DEUP1: variants seen among roughly 807,000 people sequenced by gnomAD.
The protein encoded by DEUP1 is coiled-coil domain containing 67.
In DEUP1, 82 loss-of-function variants were observed where a neutral mutation model predicts 87.4. The ratio of observed to expected loss-of-function variants is 0.94; its 90% confidence interval spans 0.78 to 1.13. The LOEUF is 1.13. Among genes scored for constraint, DEUP1 ranks in the 50% most tolerant of loss-of-function variants. The pLI is 0.00. For missense variants in DEUP1, 663 were observed against 681.5 expected (o/e 0.97, Z 0.30); for synonymous variants, 214 against 222.7 (o/e 0.96, Z 0.35).
chr11:93,397,392 CTG>C (rs1946975122), intron 11 of DEUP1, among the ~76,000 whole-genome samples: 1 of 152,110 alleles, frequency 6.6e-6, no homozygotes, highest in African/African-American at 2.4e-5. Context: ...ATTAAAAAAA[CTG>C]TGTGTCATCT....
chr11:93,436,892 TA>T (rs931713239), intron 13 of DEUP1, among the ~76,000 whole-genome samples: 11 of 152,214 alleles, frequency 7.2e-5, no homozygotes, highest in Non-Finnish European at 1.2e-4. Context: ...CACAGATTTT[TA>T]TTTTTTTTTA....
At chr11:93,394,285 G>A (rs1307079413) in intron 9 of DEUP1, among the ~76,000 whole-genome samples, 174 bp from the exon 10 acceptor site, 1 of 152,142 alleles carries the variant, frequency 6.6e-6, no homozygotes, top group South Asian at 2.1e-4. Flanking sequence ...AGGAAAAAAG[G>A]TAATGAGTCA....
intron 13 of DEUP1, among the ~76,000 whole-genome samples, chr11:93,419,443 C>G (rs1337201944): frequency 6.6e-6 from 1 of 152,136 alleles, no homozygotes; most frequent in Non-Finnish European, 1.5e-5. Context: ...AGGAGGCAGT[C>G]ATGGGGCTAA....
At chr11:93,343,360 T>C (rs1944173480) in intron 2 of DEUP1, among the ~76,000 whole-genome samples, 1 of 152,170 alleles carries the variant, frequency 6.6e-6, no homozygotes, top group Non-Finnish European at 1.5e-5. Context: ...AGAACTTAAT[T>C]GTCCTAGAGA....
chr11:93,418,307 T>C (rs1439655792), intron 13 of DEUP1, among the ~76,000 whole-genome samples: 1 of 151,904 alleles, frequency 6.6e-6, no homozygotes, highest in African/African-American at 2.4e-5. Context: ...ATATCCAGAA[T>C]CTACAATCAA....
intron 9 of DEUP1, among the ~76,000 whole-genome samples, chr11:93,392,220 C>A (rs1946785705): frequency 2.0e-5 from 3 of 152,168 alleles, no homozygotes; most frequent in Non-Finnish European, 2.9e-5. Flanking sequence ...TTTTTCCAAT[C>A]TCTCTGTAGG....
Position 93,355,435 on chromosome 11 carries a change from A to G in DEUP1, c.94A>G (p.Lys32Glu). 1.2e-6 allele frequency: 2 copies of G among 1,613,834 alleles called. No individual in the cohort carries two copies. Among genetic ancestry groups the G allele is most frequent in the Non-Finnish European group, 1.7e-6 (2 of 1,179,788 alleles). Reference protein sequence around the residue: ...MEQIDIMVSNKKMDWERKMRA... With the variant: ...MEQIDIMVSNEKMDWERKMRA... ...ACAAATTGACATCATGGTAAGCAAC[A>G]AGAAAATGGATTGGGAAAGAAAGAT... Residue 32 changes from lysine (K) to glutamate (E), a missense_variant, in exon 3 of 14, where the codon AAG becomes GAG. Coordinates refer to ENST00000298050, the MANE Select transcript of DEUP1 (RefSeq NM_181645.4).
chr11:93,416,907 A>C (rs910311415), intron 13 of DEUP1, among the ~76,000 whole-genome samples: 1 of 152,238 alleles, frequency 6.6e-6, no homozygotes, highest in African/African-American at 2.4e-5. Flanking sequence ...TCCAGCATAC[A>C]AATGGGACCA....
intron 11 of DEUP1, among the ~76,000 whole-genome samples, chr11:93,406,868 C>T (rs1947295553): frequency 6.6e-6 from 1 of 151,814 alleles, no homozygotes; most frequent in South Asian, 2.1e-4. Context: ...AGACAATTGA[C>T]AAAAGATAGA....
intron 2 of DEUP1, among the ~76,000 whole-genome samples, chr11:93,337,161 C>A (rs1415150623): frequency 1.3e-5 from 2 of 152,262 alleles, no homozygotes; most frequent in African/African-American, 4.8e-5. Flanking sequence ...AATATTAAAT[C>A]ATAACTTCTT....
chr11:93,420,124 T>C (rs913045911), intron 13 of DEUP1, among the ~76,000 whole-genome samples: 3 of 152,192 alleles, frequency 2.0e-5, no homozygotes, highest in African/African-American at 7.2e-5. Context: ...AAGAGAATTT[T>C]AGACCAATAT....
intron 7 of DEUP1, among the ~76,000 whole-genome samples, chr11:93,373,000 G>T (rs1366145729): frequency 6.6e-6 from 1 of 152,198 alleles, no homozygotes; most frequent in Non-Finnish European, 1.5e-5. Context: ...AGAGGCTGCT[G>T]CCTTTTGCTT....
At chr11:93,362,568 A>C (rs762439712) in intron 4 of DEUP1, among the ~76,000 whole-genome samples, 19 of 152,026 alleles carry the variant, frequency 1.2e-4, no homozygotes, top group Non-Finnish European at 2.1e-4. Flanking sequence ...TGGAGAGGAT[A>C]TGGAGACATT....
chr11:93,397,121 A>G (rs1565334160), intron 11 of DEUP1, among the ~76,000 whole-genome samples: 1 of 152,182 alleles, frequency 6.6e-6, no homozygotes, highest in Non-Finnish European at 1.5e-5. Flanking sequence ...GAATATGTTA[A>G]TTACTTAATT....
intron 2 of DEUP1, among the ~76,000 whole-genome samples, chr11:93,349,507 A>AC (rs889369701): frequency 6.6e-6 from 1 of 151,560 alleles, no homozygotes; most frequent in Non-Finnish European, 1.5e-5. Flanking sequence ...GATCTGTGAG[A>AC]CCCCCTCTGA....
At chr11:93,337,611 CAAAGT>C (rs1200047499) in intron 2 of DEUP1, among the ~76,000 whole-genome samples, 1 of 151,990 alleles carries the variant, frequency 6.6e-6, no homozygotes, top group Non-Finnish European at 1.5e-5. Context: ...GAAGAAGAAA[CAAAGT>C]AAAGTACATC....
chr11:93,396,103 A>C (rs1946936673), intron 10 of DEUP1, 136 bp from the exon 11 acceptor site: 1 of 643,298 alleles, frequency 1.6e-6, no homozygotes, highest in African/African-American at 1.9e-5. Flanking sequence ...AGAATACCTG[A>C]ATGTTATTGG....
chr11:93,347,710 G>A (rs916652879), intron 2 of DEUP1, among the ~76,000 whole-genome samples: 8 of 151,980 alleles, frequency 5.3e-5, no homozygotes, highest in African/African-American at 1.9e-4. Flanking sequence ...GGTCTGTTCA[G>A]AGATTCAGTT....
At chr11:93,355,611 T>C in intron 3 of DEUP1, 69 bp downstream of exon 3, 1 of 1,357,158 alleles carries the variant, frequency 7.4e-7, no homozygotes, top group Non-Finnish European at 9.9e-7. Context: ...TATCAGAATA[T>C]GTTTTTATTA....
Sources: allele counts gnomAD v4.1 joint callset (sites outside exome capture counted in the v4.1 genomes callset), GRCh38; gene constraint gnomAD v4.1.1; transcripts MANE v1.5; gene names NCBI Gene and HGNC (gene_info 2026-07-23, HGNC 2026-07-21).